TTC28: variants seen among roughly 807,000 people sequenced by gnomAD.
TTC28 encodes the protein tetratricopeptide repeat protein 28.
In TTC28, 61 loss-of-function variants were observed where a neutral mutation model predicts 198.0. That is an observed-to-expected ratio of 0.31 (90% CI 0.25 to 0.38). The LOEUF (loss-of-function observed/expected upper bound fraction) is 0.38. Ranked by LOEUF, TTC28 falls within the 10% of genes least tolerant of loss-of-function variation. TTC28 has a pLI of 1.00. For missense variants in TTC28, 2,678 were observed against 3,164.0 expected (o/e 0.85, Z 3.69); for synonymous variants, 1,171 against 1,297.8 (o/e 0.90, Z 2.10).
At chr22:28,667,192 C>A (rs1601679710) in intron 1 of TTC28, among the ~76,000 whole-genome samples, 1 of 23,218 alleles carries the variant, frequency 4.3e-5, no homozygotes, top group East Asian at 1.4e-3. Context: ...CAGCCAATAT[C>A]ATACTGAATG....
chr22:28,503,332 A>G (rs781089786), intron 2 of TTC28, among the ~76,000 whole-genome samples: 6 of 152,184 alleles, frequency 3.9e-5, no homozygotes, highest in Admixed American at 6.5e-5. Context: ...AATTAAATAA[A>G]TAATTATGTG....
chr22:28,223,198 T>G (rs1309443446), intron 5 of TTC28, among the ~76,000 whole-genome samples: 1 of 152,182 alleles, frequency 6.6e-6, no homozygotes, highest in Non-Finnish European at 1.5e-5. Flanking sequence ...CTTTGGTCCT[T>G]CCTTCTTTCC....
At chr22:28,610,648 C>T (rs755823676) in intron 2 of TTC28, among the ~76,000 whole-genome samples, 1 of 152,128 alleles carries the variant, frequency 6.6e-6, no homozygotes, top group Non-Finnish European at 1.5e-5. Flanking sequence ...ATTCCAAAAA[C>T]CAGAACGCCT....
chr22:28,089,097 T>A, intron 12 of TTC28, among the ~76,000 whole-genome samples: 1 of 152,160 alleles, frequency 6.6e-6, no homozygotes, highest in East Asian at 1.9e-4. Flanking sequence ...ATTGTGGAAG[T>A]CAGTGAGGCG....
At chr22:28,056,005 C>T (rs930607549) in intron 12 of TTC28, 1 of 152,080 alleles carries the variant, frequency 6.6e-6, no homozygotes, top group Admixed American at 6.6e-5. Context: ...CCATGACACC[C>T]TATATTTTTA....
intron 1 of TTC28, among the ~76,000 whole-genome samples, chr22:28,644,140 C>T (rs1433505652): frequency 6.6e-6 from 1 of 152,094 alleles, no homozygotes; most frequent in Non-Finnish European, 1.5e-5. Flanking sequence ...TGGCTCACGC[C>T]TGTAATCCCA....
intron 2 of TTC28, among the ~76,000 whole-genome samples, chr22:28,475,574 T>G (rs2146309679): frequency 6.6e-6 from 1 of 152,366 alleles, no homozygotes; most frequent in East Asian, 1.9e-4. Context: ...TCTTCCTGGT[T>G]GACTCTTGTG....
chr22:28,555,514 T>C (rs1196073065), intron 2 of TTC28, among the ~76,000 whole-genome samples: 1 of 152,078 alleles, frequency 6.6e-6, no homozygotes, highest in Non-Finnish European at 1.5e-5. Flanking sequence ...TACTCAGCCA[T>C]AAAAAGGAAT....
In TTC28 at chr22:28,426,211, C is replaced by CAA. The variant is rs34448246; in HGVS notation, c.382-119570_382-119569dup. ...TGGGTGACAGAGTGAGACTCCACGT[C>CAA]AAAAAAAAAAAAAAAAAAAAGAAAG... On this transcript the variant is annotated intron_variant, in intron 2 of 22. Transcript: ENST00000397906. Among the ~76,000 whole-genome samples the CAA allele has an allele frequency of 9.1e-4, 78 of 85,646 alleles. 1 individual carries two copies. In the East Asian group the frequency reaches 0.01, roughly 11 times the overall value. 56.2% of individuals were successfully genotyped at this position (85,646 alleles called of 152,430 possible).
chr22:28,563,250 TC>T (rs2049919337), intron 2 of TTC28, among the ~76,000 whole-genome samples: 1 of 152,208 alleles, frequency 6.6e-6, no homozygotes, highest in South Asian at 2.1e-4. Context: ...ATATTTGTCA[TC>T]CCTTTCTTAC....
chr22:28,432,532 G>A (rs2047448837), intron 2 of TTC28, among the ~76,000 whole-genome samples: 1 of 151,956 alleles, frequency 6.6e-6, no homozygotes, highest in Non-Finnish European at 1.5e-5. Flanking sequence ...TGGAAATATT[G>A]GTTCTATAAT....
intron 5 of TTC28, among the ~76,000 whole-genome samples, chr22:28,246,991 T>C (rs913991398): frequency 6.6e-6 from 1 of 152,076 alleles, no homozygotes; most frequent in Non-Finnish European, 1.5e-5. Flanking sequence ...ACTAAAGCAA[T>C]GGGAAACTTC....
intron 1 of TTC28, among the ~76,000 whole-genome samples, chr22:28,654,694 T>G (rs148155060): frequency 6.6e-6 from 1 of 152,326 alleles, no homozygotes; most frequent in Non-Finnish European, 1.5e-5. Context: ...TCATCTTACA[T>G]CCTTTAGGAT....
intron 2 of TTC28, among the ~76,000 whole-genome samples, chr22:28,455,935 G>A (rs911634388): frequency 1.3e-5 from 2 of 151,822 alleles, no homozygotes; most frequent in African/African-American, 4.8e-5. Flanking sequence ...TGAGGTGGGG[G>A]GATCACAAGG....
intron 2 of TTC28, among the ~76,000 whole-genome samples, chr22:28,437,751 C>T (rs1019624051): frequency 6.6e-6 from 1 of 152,076 alleles, no homozygotes; most frequent in African/African-American, 2.4e-5. Context: ...CACCAGTGCA[C>T]CTGGCTAATT....
intron 19 of TTC28, among the ~76,000 whole-genome samples, 198 bp from the exon 20 acceptor site, chr22:27,991,010 C>A (rs1375409633): frequency 6.6e-6 from 1 of 152,114 alleles, no homozygotes; most frequent in African/African-American, 2.4e-5. Flanking sequence ...CCCAGGCCAG[C>A]CGCGTGCGGA....
In TTC28 at chr22:28,161,713, G is replaced by T. The variant is rs538652780; in HGVS notation, c.1441+1379C>A. Among the ~76,000 whole-genome samples the T allele has an allele frequency of 2.1e-5, 3 of 146,052 alleles. 1 individual carries two copies. In the South Asian group the frequency reaches 7.0e-4, roughly 34 times the overall value. On this transcript the variant is annotated intron_variant, in intron 6 of 22. Transcript: ENST00000397906. ...AAAGGAGAGGAGAGGAGGGGAAAGA[G>T]GAAAGGAAAGAGGACAGGACAGGAC...
intron 12 of TTC28, among the ~76,000 whole-genome samples, chr22:28,058,072 G>C (rs1940363509): frequency 6.6e-6 from 1 of 151,806 alleles, no homozygotes; most frequent in South Asian, 2.1e-4. Context: ...GATATTCTAG[G>C]TCAAATATCA....
intron 10 of TTC28, 75 bp from the exon 11 acceptor site, chr22:28,096,483 T>C: frequency 1.3e-6 from 2 of 1,487,672 alleles, no homozygotes; most frequent in Non-Finnish European, 1.8e-6. Flanking sequence ...GGGACGGCCA[T>C]CAAATCCTGG....
Sources: allele counts gnomAD v4.1 joint callset (sites outside exome capture counted in the v4.1 genomes callset), GRCh38; gene constraint gnomAD v4.1.1; transcripts MANE v1.5; gene names NCBI Gene and HGNC (gene_info 2026-07-23, HGNC 2026-07-21).